DDX19B: variants seen among roughly 807,000 people sequenced by gnomAD.
DDX19B encodes the protein ATP-dependent RNA helicase DDX19B.
In DDX19B, 27 loss-of-function variants were observed where a neutral mutation model predicts 58.1. The observed-to-expected ratio is 0.46, with a 90% confidence interval of 0.34 to 0.64. The LOEUF (loss-of-function observed/expected upper bound fraction) is 0.64. DDX19B is among the 30% of genes least tolerant of loss of function. The pLI is 0.01. For synonymous variants in DDX19B, 187 were observed against 214.4 expected (o/e 0.87, Z 1.12); for missense variants, 399 against 596.5 (o/e 0.67, Z 3.45).
chr16:70,294,960 G>A, upstream of DDX19B: 2 of 1,458,466 alleles, frequency 1.4e-6, no homozygotes, highest in Admixed American at 2.7e-5. Context: ...TTCCTCCCAC[G>A]TTTAGGTGCC....
chr16:70,315,143 G>A lies in DDX19B; in HGVS notation c.160+188G>A, dbSNP rs1053048171. On this transcript the variant is annotated intron_variant, in intron 3 of 11. Transcript: ENST00000288071. ...TGTAATCCCAGCACTTTGGGAGGCC[G>A]AGGTGGGCAGATCACGAGGTCAGGA... Among the ~76,000 whole-genome samples the A allele has an allele frequency of 4.0e-5, 6 of 151,438 alleles. No homozygotes were observed. In the East Asian group the frequency reaches 5.8e-4, roughly 15 times the overall value.
At chr16:70,294,719 C>T (rs572300073), upstream of DDX19B, 2 of 653,988 alleles carry the variant, frequency 3.1e-6, no homozygotes, top group Non-Finnish European at 4.7e-6. Context: ...GGGGCGCGTG[C>T]CCGAGCGCTG....
At chr16:70,307,486 C>G (rs1475701079) in intron 1 of DDX19B, among the ~76,000 whole-genome samples, 2 of 151,898 alleles carry the variant, frequency 1.3e-5, no homozygotes, top group Non-Finnish European at 2.9e-5. Context: ...CCTCAGCTTC[C>G]TAAGTAGGTG....
intron 1 of DDX19B, among the ~76,000 whole-genome samples, chr16:70,306,268 C>T (rs916213983): frequency 2.0e-5 from 3 of 152,110 alleles, no homozygotes; most frequent in Non-Finnish European, 4.4e-5. Flanking sequence ...CCTCCCACCT[C>T]AGCCTTGCAA....
chr16:70,299,564 G>A (rs1056031778), intron 1 of DDX19B, among the ~76,000 whole-genome samples: 5 of 152,148 alleles, frequency 3.3e-5, no homozygotes, highest in African/African-American at 1.2e-4. Context: ...AAAGCGCTCA[G>A]CTGCCTGTCT....
At chr16:70,298,153 A>T (rs2152180802), upstream of DDX19B, among the ~76,000 whole-genome samples, 1 of 152,308 alleles carries the variant, frequency 6.6e-6, no homozygotes, top group East Asian at 1.9e-4. Context: ...CACGCCTGTA[A>T]TCCCAGCACT....
At chr16:70,296,667 A>T (rs531098754), upstream of DDX19B, among the ~76,000 whole-genome samples, 1 of 152,252 alleles carries the variant, frequency 6.6e-6, no homozygotes, top group East Asian at 1.9e-4. Context: ...TGAATTGATG[A>T]GATGTAGGTC....
At chr16:70,301,510 T>C (rs189491265) in intron 1 of DDX19B, among the ~76,000 whole-genome samples, 15 of 152,282 alleles carry the variant, frequency 9.9e-5, no homozygotes, top group Middle Eastern at 3.4e-3. Context: ...GTAATATGTC[T>C]TGGTATGGGT....
chr16:70,317,827 C>A, intron 5 of DDX19B: 1 of 277,756 alleles, frequency 3.6e-6, no homozygotes. Context: ...CAGCTGTAGT[C>A]CCAGCTACTC....
At chr16:70,307,731 T>A (rs1292126840) in intron 1 of DDX19B, among the ~76,000 whole-genome samples, 1 of 151,056 alleles carries the variant, frequency 6.6e-6, no homozygotes, top group Non-Finnish European at 1.5e-5. Context: ...ATGTGTGTAT[T>A]TTTTTTAATA....
chr16:70,303,540 CTAATT>C (rs1171788276), intron 1 of DDX19B, among the ~76,000 whole-genome samples: 2 of 152,100 alleles, frequency 1.3e-5, no homozygotes, highest in Non-Finnish European at 2.9e-5. Flanking sequence ...TTTGATTAAC[CTAATT>C]TATCAATTTT....
At chr16:70,324,458 C>G in intron 5 of DDX19B, 127 bp from the exon 6 acceptor site, 1 of 672,820 alleles carries the variant, frequency 1.5e-6, no homozygotes, top group South Asian at 1.8e-5. Flanking sequence ...TCTTGTGAAG[C>G]TAGCATATGT....
At chr16:70,316,279 G>C (rs1438234345) in intron 4 of DDX19B, 175 bp downstream of exon 4, 2 of 832,108 alleles carry the variant, frequency 2.4e-6, no homozygotes, top group East Asian at 5.7e-5. Context: ...GCGCGATCTC[G>C]GCTCACTGCA....
chr16:70,323,088 CGTTTTTT>C (rs954745691), intron 5 of DDX19B, among the ~76,000 whole-genome samples: 12 of 151,852 alleles, frequency 7.9e-5, no homozygotes, highest in African/African-American at 1.2e-4. Context: ...GCGGCTGCTC[CGTTTTTT>C]GTTTTTTGTT....
intron 7 of DDX19B, among the ~76,000 whole-genome samples, chr16:70,325,943 C>A (rs1230998141): frequency 6.6e-6 from 1 of 152,194 alleles, no homozygotes; most frequent in African/African-American, 2.4e-5. Flanking sequence ...TTATCACAAC[C>A]AGGAAAATTA....
In DDX19B at chr16:70,312,425, C is replaced by G. The variant is rs143940697; in HGVS notation, c.58-184C>G. Among the ~76,000 whole-genome samples the G allele has an allele frequency of 1.4e-3, 206 of 152,188 alleles. 5 individuals carry two copies. The highest frequency in any genetic ancestry group is 4.5e-3 in the African/African-American group (188 of 41,518). On this transcript the variant is annotated intron_variant, in intron 1 of 11. Coordinates refer to ENST00000288071, the MANE Select transcript of DDX19B (RefSeq NM_007242.7). ...GCATTTTTTTCCACCGATGTATTTA[C>G]GGGAAATTTTGTTTATTCTCATCAG...
upstream of DDX19B, chr16:70,294,941 C>G: frequency 6.7e-7 from 1 of 1,489,766 alleles, no homozygotes; most frequent in Non-Finnish European, 8.9e-7. Context: ...AGGGTAGAAG[C>G]CAGACCCTTT....
At chr16:70,327,760 T>C (rs138168083) in intron 7 of DDX19B, among the ~76,000 whole-genome samples, 1,807 of 152,278 alleles carry the variant, frequency 0.012, 28 homozygotes, top group African/African-American at 0.041. Context: ...AGAATGTTTA[T>C]GGCTATTGAC....
intron 7 of DDX19B, among the ~76,000 whole-genome samples, 181 bp from the exon 8 acceptor site, chr16:70,329,111 T>C (rs1963333356): frequency 6.8e-6 from 1 of 146,838 alleles, no homozygotes; most frequent in African/African-American, 2.5e-5. Context: ...TAATCCTAGA[T>C]ACTTGGGAGG....
Sources: gnomAD v4.1 joint callset for allele counts (sites outside exome capture counted in the v4.1 genomes callset) on GRCh38, gnomAD v4.1.1 for gene constraint, MANE v1.5 for transcripts, NCBI Gene and HGNC (gene_info 2026-07-23, HGNC 2026-07-21) for gene names.